The following SDCCAG8 variants were observed in gnomAD, a reference collection of about 807,000 sequenced individuals.
SDCCAG8 encodes SHH signaling and ciliogenesis regulator SDCCAG8, also known as serologically defined colon cancer antigen 8.
A neutral mutation model predicts 101.8 loss-of-function variants in SDCCAG8; 74 were observed. That is an observed-to-expected ratio of 0.73 (90% CI 0.60 to 0.88). The LOEUF is 0.88. Ranked by LOEUF, SDCCAG8 falls within the 40% of genes least tolerant of loss-of-function variation. The pLI, the probability that SDCCAG8 is intolerant of heterozygous loss-of-function variation, is 0.00. For synonymous variants in SDCCAG8, 281 were observed against 292.9 expected (o/e 0.96, Z 0.41); for missense variants, 787 against 822.6 (o/e 0.96, Z 0.53).
chr1:243,269,334 C>G (rs1379478271), intron 1 of SDCCAG8: 2 of 143,398 alleles, frequency 1.4e-5, no homozygotes, highest in Admixed American at 1.4e-4. Context: ...GAAACAGTCT[C>G]GCTCTCTTGC....
In SDCCAG8 at chr1:243,256,095, C is replaced by T; in HGVS notation, c.-79C>T. The stretch of plus-strand genomic sequence containing the variant: ...AGGAAGCAGGCGGGCGCTCCCCGGC[C>T]ACAGGCCTGTTGTTCTCGGAAGGGA... On this transcript the variant is annotated 5_prime_UTR_variant, in exon 1 of 18. Transcript: ENST00000366541. The T allele has an allele frequency of 4.3e-6, 6 of 1,398,452 alleles. No individual in the cohort carries two copies. The highest frequency in any genetic ancestry group is 1.2e-5 in the South Asian group (1 of 86,728). 86.6% of individuals were successfully genotyped at this position (1,398,452 alleles called of 1,614,324 possible).
At chr1:243,359,247 A>C (rs1418877288) in intron 12 of SDCCAG8, among the ~76,000 whole-genome samples, 2 of 152,190 alleles carry the variant, frequency 1.3e-5, no homozygotes, top group Non-Finnish European at 2.9e-5. Flanking sequence ...AATTGATTTC[A>C]TTGCTAATAC....
Position 243,307,899 on chromosome 1 carries a change from C to T in SDCCAG8, c.741-90C>T, listed in dbSNP as rs533325363. Reference sequence around the variant, plus strand: ...AAAGCATAAGGTGAGTACCCATAAACGATAGTAGTAGTTAACATTATGATG... The same window carrying T: ...AAAGCATAAGGTGAGTACCCATAAATGATAGTAGTAGTTAACATTATGATG... On this transcript the variant is annotated intron_variant, in intron 7 of 17. Coordinates refer to ENST00000366541, the MANE Select transcript of SDCCAG8 (RefSeq NM_006642.5). The T allele has an allele frequency of 2.9e-4, 464 of 1,592,536 alleles. 8 individuals carry two copies. In the South Asian group the frequency reaches 4.8e-3, roughly 16 times the overall value.
chr1:243,415,941 A>T (rs1308678671), intron 14 of SDCCAG8, 112 bp downstream of exon 14: 2 of 1,250,434 alleles, frequency 1.6e-6, no homozygotes, highest in Admixed American at 4.7e-5. Context: ...CGAAGGGAGC[A>T]GATGCTAACT....
chr1:243,319,365 A>T lies in SDCCAG8; in HGVS notation c.1068+2472A>T, dbSNP rs372313806. Among the ~76,000 whole-genome samples the T allele has an allele frequency of 2.9e-3, 438 of 152,032 alleles. 3 individuals are homozygous for T. Among genetic ancestry groups the T allele is most frequent in the African/African-American group, 0.01 (420 of 41,456 alleles). ...GGCTCTCTTTGACCCTTTCTATTTTATTTTTATTTTTATTATCATTTTTTT... is the reference window on the plus strand; with the variant it reads ...GGCTCTCTTTGACCCTTTCTATTTTTTTTTTATTTTTATTATCATTTTTTT... On this transcript the variant is annotated intron_variant, in intron 9 of 17. Coordinates refer to ENST00000366541, the MANE Select transcript of SDCCAG8 (RefSeq NM_006642.5).
intron 9 of SDCCAG8, among the ~76,000 whole-genome samples, chr1:243,326,834 C>T (rs2074182771): frequency 6.6e-6 from 1 of 152,122 alleles, no homozygotes; most frequent in African/African-American, 2.4e-5. Flanking sequence ...CAATAGGTTT[C>T]CTGTTTTAAA....
chr1:243,409,111 A>G (rs1460729554), intron 13 of SDCCAG8, among the ~76,000 whole-genome samples: 1 of 152,190 alleles, frequency 6.6e-6, no homozygotes, highest in Non-Finnish European at 1.5e-5. Context: ...CATTTGTTTA[A>G]AAAACAAGGC....
chr1:243,308,290 T>C (rs1316213180), intron 8 of SDCCAG8, 113 bp downstream of exon 8: 1 of 1,186,438 alleles, frequency 8.4e-7, no homozygotes, highest in Non-Finnish European at 1.2e-6. Flanking sequence ...ATTGTTAATC[T>C]TCAAATACAG....
intron 16 of SDCCAG8, among the ~76,000 whole-genome samples, chr1:243,478,045 C>G (rs78188245): frequency 6.6e-6 from 1 of 152,180 alleles, no homozygotes; most frequent in Non-Finnish European, 1.5e-5. Context: ...TCTGGTTCTC[C>G]TCACTGAGCT....
intron 6 of SDCCAG8, among the ~76,000 whole-genome samples, chr1:243,300,777 A>C (rs548104546): frequency 8.1e-4 from 124 of 152,292 alleles, no homozygotes; most frequent in Middle Eastern, 3.4e-3. Flanking sequence ...CTGCCTCTCT[A>C]AATTTTTCAG....
chr1:243,270,315 T>C, intron 2 of SDCCAG8, 58 bp downstream of exon 2: 1 of 1,447,178 alleles, frequency 6.9e-7, no homozygotes, highest in Non-Finnish European at 9.7e-7. Flanking sequence ...TTAAACTCCG[T>C]AGAATAATAA....
At chr1:243,424,633 A>T (rs2081224801) in intron 15 of SDCCAG8, among the ~76,000 whole-genome samples, 1 of 152,094 alleles carries the variant, frequency 6.6e-6, no homozygotes, top group Non-Finnish European at 1.5e-5. Context: ...TATCAGAATA[A>T]TAAGTAACAT....
chr1:243,389,151 C>T (rs868297959), intron 13 of SDCCAG8, among the ~76,000 whole-genome samples: 57 of 110,102 alleles, frequency 5.2e-4, no homozygotes, highest in Non-Finnish European at 8.6e-4. Flanking sequence ...TGTCCCCCCT[C>T]CCCCCCCCAA....
intron 4 of SDCCAG8, among the ~76,000 whole-genome samples, chr1:243,286,026 A>G (rs117872574): frequency 2.0e-4 from 30 of 152,320 alleles, no homozygotes; most frequent in East Asian, 9.6e-4. Flanking sequence ...CCTTGGAGAA[A>G]AGGAAATTGT....
At chr1:243,328,138 G>A (rs1558301877) in intron 9 of SDCCAG8, among the ~76,000 whole-genome samples, 1 of 152,060 alleles carries the variant, frequency 6.6e-6, no homozygotes, top group African/African-American at 2.4e-5. Flanking sequence ...TCCTGACCTC[G>A]TGATCCGCCT....
At chr1:243,456,136 G>A (rs2083735840) in intron 16 of SDCCAG8, among the ~76,000 whole-genome samples, 1 of 152,082 alleles carries the variant, frequency 6.6e-6, no homozygotes, top group African/African-American at 2.4e-5. Flanking sequence ...AATGAACCGG[G>A]AGCATGCAGA....
At chr1:243,415,560 G>A (rs2080516315) in intron 13 of SDCCAG8, 142 bp from the exon 14 acceptor site, 6 of 1,100,212 alleles carry the variant, frequency 5.5e-6, no homozygotes, top group South Asian at 3.9e-5. Context: ...CCCCTAAAGT[G>A]GGGGAGGGTC....
intron 8 of SDCCAG8, among the ~76,000 whole-genome samples, chr1:243,312,165 C>T (rs116579991): frequency 1.9e-3 from 283 of 152,260 alleles, no homozygotes; most frequent in Non-Finnish European, 3.6e-3. Context: ...GAGTGCTATG[C>T]TAACTTTGAA....
At chr1:243,440,981 G>A (rs1416456675) in intron 16 of SDCCAG8, among the ~76,000 whole-genome samples, 3 of 152,000 alleles carry the variant, frequency 2.0e-5, no homozygotes, top group Non-Finnish European at 4.4e-5. Context: ...GAAATTAATT[G>A]GTTTAAAAAT....
Sources: gnomAD v4.1 joint callset for allele counts (sites outside exome capture counted in the v4.1 genomes callset) on GRCh38, gnomAD v4.1.1 for gene constraint, MANE v1.5 for transcripts, NCBI Gene and HGNC (gene_info 2026-07-23, HGNC 2026-07-21) for gene names.